EPHA6: variants seen among roughly 807,000 people sequenced by gnomAD.
The protein encoded by EPHA6 is ephrin type-A receptor 6.
EPHA6 carries 50 observed loss-of-function variants against 112.0 expected under a neutral mutation model. The observed-to-expected ratio is 0.45, with a 90% CI of 0.36 to 0.56. The LOEUF (loss-of-function observed/expected upper bound fraction) is 0.56, where lower values mean the gene tolerates loss of function less well. Among genes scored for constraint, EPHA6 ranks in the 20% least tolerant of loss-of-function variants. The pLI is 0.00. For missense variants in EPHA6, 1,280 were observed against 1,417.4 expected, an observed-to-expected ratio of 0.90 and a Z score of 1.56; for synonymous variants, 529 against 490.7, an observed-to-expected ratio of 1.08 and a Z score of -1.03.
At chr3:97,479,802 C>T (rs990996152) in intron 9 of EPHA6, among the ~76,000 whole-genome samples, 3 of 152,120 alleles carry the variant, frequency 2.0e-5, no homozygotes, top group Non-Finnish European at 4.4e-5. Context: ...AATATCAGCT[C>T]TTTAACTCTT....
At chr3:97,056,312 T>C (rs770900232) in intron 3 of EPHA6, among the ~76,000 whole-genome samples, 1 of 152,228 alleles carries the variant, frequency 6.6e-6, no homozygotes, top group African/African-American at 2.4e-5. Context: ...TCAAGTATCC[T>C]GGTTTAGATA....
chr3:97,423,805 C>T (rs1442224347), intron 6 of EPHA6, among the ~76,000 whole-genome samples: 9 of 152,092 alleles, frequency 5.9e-5, no homozygotes, highest in South Asian at 2.1e-4. Context: ...GAAACAGATA[C>T]CTAGACTAAT....
intron 2 of EPHA6, among the ~76,000 whole-genome samples, chr3:96,960,642 C>A (rs1016000375): frequency 2.0e-5 from 3 of 152,128 alleles, no homozygotes; most frequent in Non-Finnish European, 4.4e-5. Context: ...GTCTTTAGGA[C>A]CATCACAGGA....
chr3:97,477,052 A>G (rs80176258), intron 8 of EPHA6, among the ~76,000 whole-genome samples: 3,477 of 152,206 alleles, frequency 0.023, 145 homozygotes, highest in African/African-American at 0.079. Flanking sequence ...TGCCACCATC[A>G]GGCACTGTTG....
Position 97,483,942 on chromosome 3 carries a change from C to T in EPHA6, c.2083C>T (p.Pro695Ser). The T allele has an allele frequency of 1.3e-6, 2 of 1,596,352 alleles. No homozygotes were observed. The highest frequency in any genetic ancestry group is 1.7e-6 in the Non-Finnish European group (2 of 1,172,308). ...NHLQNGHLRFPGIKTYIDPDT... is the reference protein window; with the variant it reads ...NHLQNGHLRFSGIKTYIDPDT... ...TGTTATTGTTGTTGCAGTGCGCTTC[C>T]CGGGAATTAAAACTTACATTGATCC... Residue 695 changes from proline to serine, a missense_variant, in exon 10 of 18, where the codon CCG (proline) becomes TCG (serine). This residue lies in a region of EPHA6 where 878 missense variants were observed against 999.7 expected (regional missense o/e 0.88). Coordinates refer to ENST00000389672, the MANE Select transcript of EPHA6 (RefSeq NM_001080448.3).
At chr3:97,269,514 A>G (rs2079810154) in intron 5 of EPHA6, among the ~76,000 whole-genome samples, 1 of 152,146 alleles carries the variant, frequency 6.6e-6, no homozygotes, top group African/African-American at 2.4e-5. Flanking sequence ...AAAAATCCCC[A>G]GTGTTTCTGA....
rs377598284 is a variant in EPHA6 at position 96,987,750 on chromosome 3, C to G, written c.871C>G (p.Leu291Val). The change falls in exon 3 of 18, where the codon CTG becomes GTG. Residue 291 changes from leucine (L) to valine (V), a missense_variant. Leu to Val is a conservative substitution (Grantham distance 32). Transcript: ENST00000389672. ...TCAAGACATTGGGGCGTGCATTGCC[C>G]TGGTTTCAGTCCGTGTTTTCTACAA... is the stretch of plus-strand genomic sequence containing the variant. Reference protein sequence around the residue: ...AFQDIGACIALVSVRVFYKKC... With the variant: ...AFQDIGACIAVVSVRVFYKKC... 6.2e-7 allele frequency: 1 copy of G among 1,613,332 alleles called. No homozygotes were observed. The highest frequency in any genetic ancestry group is 1.3e-5 in the African/African-American group (1 of 74,914).
chr3:97,677,748 T>C (rs1356514992), intron 14 of EPHA6, among the ~76,000 whole-genome samples: 1 of 131,352 alleles, frequency 7.6e-6, no homozygotes, highest in African/African-American at 2.9e-5. Context: ...AAAAAAAAGA[T>C]GTGGTTGTTG....
At chr3:96,892,959 TGTGTGTGTGTGTGTGTGTGTGTTC>T (rs1376815515) in intron 2 of EPHA6, among the ~76,000 whole-genome samples, 2 of 128,434 alleles carry the variant, frequency 1.6e-5, no homozygotes, top group Non-Finnish European at 3.2e-5. Context: ...TATATATGTG[TGTGTGTGTGTGTGTGTGTGTGTTC>T]GTGTGTGTGT....
At chr3:97,714,535 C>G (rs983931221) in intron 14 of EPHA6, among the ~76,000 whole-genome samples, 1 of 152,166 alleles carries the variant, frequency 6.6e-6, no homozygotes, top group Non-Finnish European at 1.5e-5. Flanking sequence ...TTTTAAAACA[C>G]ATGCACAATA....
At chr3:97,334,544 A>G (rs2108836232) in intron 5 of EPHA6, among the ~76,000 whole-genome samples, 1 of 149,804 alleles carries the variant, frequency 6.7e-6, no homozygotes, top group East Asian at 2.0e-4. Flanking sequence ...AAATGGCACA[A>G]TCATAGCTCG....
intron 3 of EPHA6, among the ~76,000 whole-genome samples, chr3:96,994,709 G>GTGTATATATATATATATATATA (rs1363786371): frequency 3.0e-5 from 3 of 98,440 alleles, no homozygotes; most frequent in East Asian, 5.5e-4. Context: ...GTGTGTGTGT[G>GTGTATATATATATATATATATA]TATATATATA....
intron 2 of EPHA6, among the ~76,000 whole-genome samples, chr3:96,925,950 T>A (rs2040016098): frequency 2.0e-5 from 3 of 152,184 alleles, no homozygotes. Flanking sequence ...TCTGTCTCCT[T>A]CATTTCAGCT....
At chr3:97,458,665 T>G (rs1329505474) in intron 7 of EPHA6, among the ~76,000 whole-genome samples, 1 of 152,296 alleles carries the variant, frequency 6.6e-6, no homozygotes, top group Non-Finnish European at 1.5e-5. Flanking sequence ...TATTGTTACA[T>G]AAGTTGTTAC....
chr3:96,876,970 T>C (rs1464625209), intron 2 of EPHA6, among the ~76,000 whole-genome samples: 6 of 152,104 alleles, frequency 3.9e-5, no homozygotes, highest in Non-Finnish European at 7.4e-5. Context: ...TACCAGATTG[T>C]AAACTCTTGC....
intron 11 of EPHA6, among the ~76,000 whole-genome samples, chr3:97,555,065 T>C (rs374675574): frequency 4.6e-5 from 7 of 151,996 alleles, no homozygotes; most frequent in African/African-American, 1.7e-4. Context: ...TATCTCCTAA[T>C]GGAATCCCTC....
chr3:97,135,856 C>CCACACA (rs113592764), intron 3 of EPHA6, among the ~76,000 whole-genome samples: 8 of 148,228 alleles, frequency 5.4e-5, no homozygotes, highest in Admixed American at 1.4e-4. Flanking sequence ...GGATTAAATG[C>CCACACA]CACACACACA....
At chr3:97,023,956 A>T (rs2044550379) in intron 3 of EPHA6, among the ~76,000 whole-genome samples, 1 of 152,176 alleles carries the variant, frequency 6.6e-6, no homozygotes, top group Non-Finnish European at 1.5e-5. Context: ...GTCAAGGCTT[A>T]TTCCTCACAG....
chr3:97,333,727 C>T (rs1332964115), intron 5 of EPHA6, among the ~76,000 whole-genome samples: 2 of 152,054 alleles, frequency 1.3e-5, no homozygotes, highest in Non-Finnish European at 2.9e-5. Context: ...AGTCGTCCCT[C>T]CTCAGCCTCC....
Sources: allele counts gnomAD v4.1 joint callset (sites outside exome capture counted in the v4.1 genomes callset), GRCh38; gene constraint gnomAD v4.1.1; regional missense constraint gnomAD v4.1.1; transcripts MANE v1.5; gene names NCBI Gene and HGNC (gene_info 2026-07-23, HGNC 2026-07-21).